Variants in SRC observed in about 807,000 individuals in gnomAD.
SRC encodes the protein SRC proto-oncogene, non-receptor tyrosine kinase.
In SRC, 13 loss-of-function variants were observed where a neutral mutation model predicts 62.9. That is an observed-to-expected ratio of 0.21 (90% CI 0.13 to 0.33). The LOEUF is 0.33. Ranked by LOEUF, SRC falls within the 10% of genes least tolerant of loss-of-function variation. SRC has a pLI of 1.00. For missense variants in SRC, 457 were observed against 737.3 expected (o/e 0.62, Z 4.40); for synonymous variants, 302 against 317.5 (o/e 0.95, Z 0.52).
In SRC at chr20:37,384,524, C is replaced by A; in HGVS notation, c.250+121C>A. The A allele has an allele frequency of 1.1e-6, 1 of 926,754 alleles. No individual in the cohort carries two copies. The highest frequency in any genetic ancestry group is 3.8e-5 in the East Asian group (1 of 26,040). 57.4% of individuals were successfully genotyped at this position (926,754 alleles called of 1,614,324 possible). ...CCTTCCTCTCGCCAGGGGTAGCGCC[C>A]CTGGGTGACTTGGGTGTCCGGGGGG... On this transcript the variant is annotated intron_variant, in intron 4 of 13. Coordinates refer to ENST00000373578, the MANE Select transcript of SRC (RefSeq NM_198291.3). This position sits in a 1 kb window ranked among gnomAD's most constrained non-coding sequence, Gnocchi z 6.7.
chr20:37,384,244 G>A lies in SRC; in HGVS notation c.91G>A (p.Ala31Thr), dbSNP rs1437496392. ...GAACGTGCACGGCGCTGGCGGGGGC[G>A]CTTTCCCCGCCTCGCAGACCCCCAG... ...AENVHGAGGG[A>T]FPASQTPSKP... is the part of the protein sequence containing the mutation. Residue 31 changes from alanine to threonine, a missense_variant, in exon 4 of 14, where the codon GCT becomes ACT. Ala to Thr is a moderately conservative substitution (Grantham distance 58). This residue lies in a region of SRC where 132 missense variants were observed against 135.4 expected (regional missense o/e 0.98). Transcript: ENST00000373578. The surrounding 1 kb of genome is among the most constrained non-coding windows in gnomAD (Gnocchi z 6.7). The A allele has an allele frequency of 3.2e-6, 5 of 1,566,920 alleles. No individual in the cohort carries two copies. The highest frequency in any genetic ancestry group is 2.5e-5 in the East Asian group (1 of 39,672).
intron 2 of SRC, among the ~76,000 whole-genome samples, chr20:37,372,587 A>G (rs972228022): frequency 2.0e-5 from 3 of 152,054 alleles, no homozygotes; most frequent in Non-Finnish European, 4.4e-5. Context: ...GGCTTGTTTT[A>G]TGGTGTAGCA....
chr20:37,359,583 C>T (rs540381683), intron 1 of SRC, among the ~76,000 whole-genome samples: 13 of 152,078 alleles, frequency 8.5e-5, no homozygotes, highest in African/African-American at 2.7e-4. Flanking sequence ...GGGGAGACCC[C>T]GAGGCAGGGG....
chr20:37,345,402 T>G (rs911121509), upstream of SRC, among the ~76,000 whole-genome samples: 1 of 152,198 alleles, frequency 6.6e-6, no homozygotes, highest in African/African-American at 2.4e-5. Context: ...TACTTGGAAG[T>G]GTGACTGCCA....
intron 1 of SRC, among the ~76,000 whole-genome samples, chr20:37,361,655 C>T (rs1215652326): frequency 6.6e-6 from 1 of 152,228 alleles, no homozygotes; most frequent in Non-Finnish European, 1.5e-5. Context: ...CATCACCCAT[C>T]AGGGGTGGGG....
At chr20:37,348,665 G>C (rs549665626) in intron 1 of SRC, among the ~76,000 whole-genome samples, 16 of 152,158 alleles carry the variant, frequency 1.1e-4, no homozygotes, top group Non-Finnish European at 2.2e-4. Flanking sequence ...TGGTCAGCCT[G>C]GTTGGATACT....
chr20:37,397,884 G>T lies in SRC; in HGVS notation c.859+30G>T. The T allele has an allele frequency of 6.3e-7, 1 of 1,590,710 alleles. No individual in the cohort carries two copies. The highest frequency in any genetic ancestry group is 8.5e-7 in the Non-Finnish European group (1 of 1,170,832). On this transcript the variant is annotated intron_variant, in intron 9 of 13. Coordinates refer to ENST00000373578, the MANE Select transcript of SRC (RefSeq NM_198291.3). The surrounding 1 kb of genome is among the most constrained non-coding windows in gnomAD (Gnocchi z 4.1). Reference sequence around the variant, plus strand: ...GGCCTGGCCCCTGCCCTCGGGAGAGGCATCCACCCCCCACCCCGTGTGGCA... The same window carrying T: ...GGCCTGGCCCCTGCCCTCGGGAGAGTCATCCACCCCCCACCCCGTGTGGCA...
In SRC at chr20:37,385,889, G is replaced by A. The variant is rs114908418; in HGVS notation, c.251-186G>A. ...TCCCGCTCCCACACGCCCTTGCAGG[G>A]ATGCGCAGATACACGGATGCAGTGG... On this transcript the variant is annotated intron_variant, in intron 4 of 13. Transcript: ENST00000373578. Among the ~76,000 whole-genome samples, 1,437 of 152,380 alleles carry A rather than the reference G, an allele frequency of 9.4e-3. 19 individuals are homozygous for A. The highest frequency in any genetic ancestry group is 0.033 in the African/African-American group (1,381 of 41,590).
chr20:37,370,000 A>G (rs1007918828), intron 2 of SRC, among the ~76,000 whole-genome samples: 15 of 152,052 alleles, frequency 9.9e-5, no homozygotes, highest in African/African-American at 3.6e-4. Flanking sequence ...AGATTTTACC[A>G]TGTTGGCCAC....
chr20:37,371,269 C>T (rs186565141), intron 2 of SRC, among the ~76,000 whole-genome samples: 370 of 152,334 alleles, frequency 2.4e-3, no homozygotes, highest in Middle Eastern at 0.017. Context: ...GCTGGGATTA[C>T]AGGCGTGAGC....
In SRC at chr20:37,396,674, G is replaced by A. The variant is rs541676365; in HGVS notation, c.703+363G>A. 1.2e-5 allele frequency: 3 copies of A among 248,420 alleles called. No homozygotes were observed. Among genetic ancestry groups the A allele is most frequent in the East Asian group, 1.7e-4 (2 of 11,888 alleles). 15.4% of individuals were successfully genotyped at this position (248,420 alleles called of 1,614,324 possible). A position where few individuals can be genotyped will look rare whatever the true frequency, so the allele number is the denominator to read the frequency against. ...CATTTGTCTCTGTAGCCCTAGGACC[G>A]GTCTGAACCGGTTGCTGGGAGAGGA... On this transcript the variant is annotated intron_variant, in intron 8 of 13. Coordinates refer to ENST00000373578, the MANE Select transcript of SRC (RefSeq NM_198291.3). This position sits in a 1 kb window ranked among gnomAD's most constrained non-coding sequence, Gnocchi z 6.1.
intron 2 of SRC, among the ~76,000 whole-genome samples, chr20:37,366,795 G>A (rs1203351431): frequency 1.3e-5 from 2 of 152,046 alleles, no homozygotes; most frequent in Non-Finnish European, 2.9e-5. Flanking sequence ...GGACATTTGG[G>A]CTTTCTGGCT....
At chr20:37,365,695 C>A (rs1245414624) in intron 2 of SRC, among the ~76,000 whole-genome samples, 1 of 152,080 alleles carries the variant, frequency 6.6e-6, no homozygotes, top group Non-Finnish European at 1.5e-5. Flanking sequence ...AACGATCCTC[C>A]CACCTCAGTG....
At chr20:37,358,145 C>T (rs376751870) in intron 1 of SRC, among the ~76,000 whole-genome samples, 2 of 152,320 alleles carry the variant, frequency 1.3e-5, no homozygotes, top group South Asian at 4.1e-4. Flanking sequence ...AGTAACGGTC[C>T]CTACCCCACA....
intron 2 of SRC, among the ~76,000 whole-genome samples, chr20:37,371,414 GTAA>G (rs1258765703): frequency 6.6e-6 from 1 of 152,076 alleles, no homozygotes; most frequent in Non-Finnish European, 1.5e-5. Context: ...TTTAAGGTTA[GTAA>G]TAATGTCTTC....
intron 1 of SRC, among the ~76,000 whole-genome samples, chr20:37,355,818 G>A (rs968626711): frequency 2.0e-5 from 3 of 152,224 alleles, no homozygotes; most frequent in Non-Finnish European, 4.4e-5. Flanking sequence ...TCTGGGGGTA[G>A]GAAGTAGCCA....
intron 2 of SRC, among the ~76,000 whole-genome samples, chr20:37,373,253 C>T (rs1264937589): frequency 1.4e-5 from 2 of 138,546 alleles, no homozygotes; most frequent in Non-Finnish European, 3.2e-5. Context: ...TACACACGCA[C>T]ACACATGTAC....
Position 37,396,453 on chromosome 20 carries a change from C to T in SRC, c.703+142C>T, listed in dbSNP as rs941074761. 1.1e-5 allele frequency: 11 copies of T among 983,480 alleles called. No individual in the cohort carries two copies. The highest frequency in any genetic ancestry group is 1.6e-5 in the African/African-American group (1 of 61,010). The allele number at this position is 983,480 out of a possible 1,614,324, so 60.9% of individuals were successfully genotyped here. On this transcript the variant is annotated intron_variant, in intron 8 of 13. Coordinates refer to ENST00000373578, the MANE Select transcript of SRC (RefSeq NM_198291.3). The surrounding 1 kb of genome is among the most constrained non-coding windows in gnomAD (Gnocchi z 6.1). Reference sequence around the variant, plus strand: ...TTCCCCCTCCCCCCTCCCTTCCTCTCTCCTCCCTTTTCCCTCCTTTCCTTG... The same window carrying T: ...TTCCCCCTCCCCCCTCCCTTCCTCTTTCCTCCCTTTTCCCTCCTTTCCTTG...
chr20:37,387,263 C>T (rs2070471682), intron 5 of SRC, among the ~76,000 whole-genome samples: 1 of 152,214 alleles, frequency 6.6e-6, no homozygotes, highest in African/African-American at 2.4e-5. Flanking sequence ...TGGGGAACTC[C>T]TGTTCATCGC....
Sources: allele counts gnomAD v4.1 joint callset (sites outside exome capture counted in the v4.1 genomes callset), GRCh38; gene constraint gnomAD v4.1.1; regional missense constraint gnomAD v4.1.1; non-coding constraint Gnocchi (gnomAD v3.1); transcripts MANE v1.5; gene names NCBI Gene and HGNC (gene_info 2026-07-23, HGNC 2026-07-21).